Variants in STARD8 observed in about 807,000 individuals in gnomAD.
STARD8 encodes the protein stAR-related lipid transfer protein 8.
In STARD8, 25 loss-of-function variants were observed where a neutral mutation model predicts 69.4. That is an observed-to-expected ratio of 0.36 (90% CI 0.26 to 0.50). STARD8 has a LOEUF of 0.50. Among genes scored for constraint, STARD8 ranks in the 20% least tolerant of loss-of-function variants. The pLI is 0.96. For missense variants in STARD8, 921 were observed against 932.5 expected, an observed-to-expected ratio of 0.99 and a Z score of 0.16; for synonymous variants, 389 against 374.6, an observed-to-expected ratio of 1.04 and a Z score of -0.45.
intron 2 of STARD8, among the ~76,000 whole-genome samples, chrX:68,686,441 C>T (rs1458836171): frequency 8.9e-6 from 1 of 112,822 alleles, no homozygotes; most frequent in Non-Finnish European, 1.9e-5. Flanking sequence ...CCCGCGGACA[C>T]ATGGCCCAGG....
chrX:68,672,720 C>A (rs920603880), intron 2 of STARD8, among the ~76,000 whole-genome samples: 3 of 110,978 alleles, frequency 2.7e-5, no homozygotes, highest in African/African-American at 1.0e-4. Flanking sequence ...AGCGCCCCAC[C>A]CCCCATGGCA....
intron 1 of STARD8, among the ~76,000 whole-genome samples, chrX:68,653,146 C>A (rs1177467774): frequency 8.4e-5 from 2 of 23,720 alleles, no homozygotes; most frequent in Non-Finnish European, 1.5e-4. Flanking sequence ...ACACCACACA[C>A]ACCACACCAA....
At chrX:68,704,777 C>T (rs941251278) in intron 2 of STARD8, among the ~76,000 whole-genome samples, 1 of 111,046 alleles carries the variant, frequency 9.0e-6, no homozygotes, top group Non-Finnish European at 1.9e-5. Flanking sequence ...GGAAGCTCCC[C>T]GCACTGAGAC....
intron 2 of STARD8, among the ~76,000 whole-genome samples, chrX:68,686,839 C>A (rs997276569): frequency 1.8e-5 from 2 of 111,770 alleles, no homozygotes; most frequent in African/African-American, 6.5e-5. Flanking sequence ...GCAGTCTATC[C>A]GGCTTCGTCC....
rs113026846 is a variant in STARD8, at chrX:68,711,194, C to A, written c.80-1720C>A. 7.3e-3 allele frequency among the ~76,000 whole-genome samples: 797 copies of A among 109,379 alleles called. 5 individuals are homozygous for A. Among genetic ancestry groups the A allele is most frequent in the Middle Eastern group, 0.023 (5 of 213 alleles). The allele number at this position is 109,379 out of a possible 115,157, so 95.0% of individuals were successfully genotyped here. ...ATCTCTATCTTAGGTTAGGAAGTTG[C>A]AGTAACATAAAACATACATGTATGC... On this transcript the variant is annotated intron_variant, in intron 2 of 14. Transcript: ENST00000374599.
At chrX:68,648,704 AATAGTC>A (rs1482469129) in intron 1 of STARD8, among the ~76,000 whole-genome samples, 3 of 112,438 alleles carry the variant, frequency 2.7e-5, no homozygotes, top group Non-Finnish European at 5.6e-5. Context: ...CATTGTGCTA[AATAGTC>A]AGTTTGTCAG....
At chrX:68,698,038 C>T (rs940419763) in intron 2 of STARD8, among the ~76,000 whole-genome samples, 1 of 112,345 alleles carries the variant, frequency 8.9e-6, no homozygotes, top group Non-Finnish European at 1.9e-5. Context: ...AACTCCCTGT[C>T]CACCTCAGGC....
intron 2 of STARD8, among the ~76,000 whole-genome samples, chrX:68,681,516 C>A (rs1266000798): frequency 8.9e-6 from 1 of 112,713 alleles, no homozygotes; most frequent in Non-Finnish European, 1.9e-5. Flanking sequence ...ATGTGGCCAG[C>A]AACGGAAGGA....
intron 2 of STARD8, among the ~76,000 whole-genome samples, chrX:68,687,884 G>T (rs1051647323): frequency 5.3e-5 from 6 of 112,358 alleles, no homozygotes; most frequent in African/African-American, 1.6e-4. Context: ...CCTGGGATGG[G>T]CGTTCTCTGT....
chrX:68,686,298 T>C (rs1001586651), intron 2 of STARD8, among the ~76,000 whole-genome samples: 1 of 111,886 alleles, frequency 8.9e-6, no homozygotes, highest in Non-Finnish European at 1.9e-5. Flanking sequence ...AACACAGCCA[T>C]CATCCGCTCA....
chrX:68,694,275 G>A lies in STARD8; in HGVS notation c.80-18639G>A, dbSNP rs765970993. 7.1e-5 allele frequency among the ~76,000 whole-genome samples: 8 copies of A among 112,843 alleles called. No homozygotes were observed. In the East Asian group the frequency reaches 2.2e-3, roughly 32 times the overall value. Reference sequence around the variant, plus strand: ...ATTTCCAGGAAGCCCCCGTCCGGCTGTATGGGTTTTCCCGTCGGCCACTGC... The same window carrying A: ...ATTTCCAGGAAGCCCCCGTCCGGCTATATGGGTTTTCCCGTCGGCCACTGC... On this transcript the variant is annotated intron_variant, in intron 2 of 14. Transcript: ENST00000374599.
chrX:68,707,553 G>A (rs1173936633), intron 2 of STARD8, among the ~76,000 whole-genome samples: 1 of 111,777 alleles, frequency 8.9e-6, no homozygotes, highest in East Asian at 2.8e-4. Flanking sequence ...CCTATCCCCA[G>A]AGAGTTTAAT....
At position 68,659,072 on chromosome X, in the gene STARD8, C is replaced by A. The variant is rs751052290; in HGVS notation, c.46-6427C>A. Among the ~76,000 whole-genome samples the A allele has an allele frequency of 7.1e-5, 8 of 112,084 alleles. No individual in the cohort carries two copies. In the East Asian group the frequency reaches 2.3e-3, roughly 32 times the overall value. The stretch of plus-strand genomic sequence containing the variant: ...AGATGGAAATAGGACACTGATCTAA[C>A]AGCCCTGGTTCTGCCTCCTCTTCTC... On this transcript the variant is annotated intron_variant, in intron 1 of 14. Transcript: ENST00000374599.
rs760272665 is a variant in STARD8 at position 68,712,835 on chromosome X, A to T, written c.80-79A>T. 2.0e-3 allele frequency: 1,906 copies of T among 951,917 alleles called. 3 individuals are homozygous for T. The highest frequency in any genetic ancestry group is 2.6e-3 in the Non-Finnish European group (1,747 of 682,701). The allele number at this position is 951,917 out of a possible 1,213,427, so 78.4% of individuals were successfully genotyped here. A position where few individuals can be genotyped will look rare whatever the true frequency, so the allele number is the denominator to read the frequency against. ...ACATGTCTGCCTGCTGGGGTTGGGC[A>T]GCATGCACCTAGGGCCCTGGTGTCA... On this transcript the variant is annotated intron_variant, in intron 2 of 14. Coordinates refer to ENST00000374599, the MANE Select transcript of STARD8 (RefSeq NM_001142503.3).
At chrX:68,668,289 T>G (rs1309461762) in intron 2 of STARD8, among the ~76,000 whole-genome samples, 8 of 97,589 alleles carry the variant, frequency 8.2e-5, no homozygotes, top group Non-Finnish European at 1.6e-4. Context: ...TCTTTCTTTC[T>G]TTCTTTCTTT....
chrX:68,722,029 A>C lies in STARD8; in HGVS notation c.2460-18A>C. On this transcript the variant is annotated intron_variant, in intron 10 of 14. Coordinates refer to ENST00000374599, the MANE Select transcript of STARD8 (RefSeq NM_001142503.3). ...CTCTTGTGCCATCTCTCCTCTCACC[A>C]CCTCCTGCTCCATCTAGGATCAAGA... 1 of 1,164,823 alleles carries C rather than the reference A, an allele frequency of 8.6e-7. No individual in the cohort carries two copies. Among genetic ancestry groups the C allele is most frequent in the African/African-American group, 1.8e-5 (1 of 55,739 alleles).
chrX:68,672,700 C>A (rs771109758), intron 2 of STARD8, among the ~76,000 whole-genome samples: 13 of 107,205 alleles, frequency 1.2e-4, no homozygotes, highest in Admixed American at 9.7e-5. Context: ...AAACTAAATT[C>A]CATTCAAACA....
intron 1 of STARD8, among the ~76,000 whole-genome samples, chrX:68,652,563 T>C (rs951935473): frequency 2.7e-4 from 30 of 111,099 alleles, no homozygotes; most frequent in Admixed American, 2.4e-3. Context: ...TGTCTTCCCC[T>C]GGAGGCCAGT....
chrX:68,689,239 G>T (rs763679535), intron 2 of STARD8, among the ~76,000 whole-genome samples: 1 of 105,028 alleles, frequency 9.5e-6, no homozygotes, highest in Non-Finnish European at 1.9e-5. Context: ...CAAGTGCTCT[G>T]TCCACGGTGA....
Sources: allele counts gnomAD v4.1 joint callset (sites outside exome capture counted in the v4.1 genomes callset), GRCh38; gene constraint gnomAD v4.1.1; transcripts MANE v1.5; gene names NCBI Gene and HGNC (gene_info 2026-07-23, HGNC 2026-07-21).